The following MTSS1 variants were observed in gnomAD, a reference collection of about 807,000 sequenced individuals.
MTSS1 encodes the protein MTSS I-BAR domain containing 1.
In MTSS1, 18 loss-of-function variants were observed where a neutral mutation model predicts 79.0. The ratio of observed to expected loss-of-function variants is 0.23; its 90% CI spans 0.16 to 0.34. The LOEUF (loss-of-function observed/expected upper bound fraction) is 0.34, where lower values mean the gene tolerates loss of function less well. Ranked by LOEUF, MTSS1 falls within the 10% of genes least tolerant of loss-of-function variation. MTSS1 has a pLI of 1.00. For synonymous variants in MTSS1, 341 were observed against 368.6 expected (o/e 0.93, Z 0.86); for missense variants, 815 against 986.2 (o/e 0.83, Z 2.33).
chr8:124,630,908 G>A (rs562337559), intron 3 of MTSS1, among the ~76,000 whole-genome samples: 4 of 152,312 alleles, frequency 2.6e-5, no homozygotes, highest in African/African-American at 9.6e-5. Context: ...TTTGGCCATG[G>A]CATTCTGAAC....
At chr8:124,587,609 G>A (rs1831090937) in intron 5 of MTSS1, among the ~76,000 whole-genome samples, 2 of 152,136 alleles carry the variant, frequency 1.3e-5, no homozygotes, top group African/African-American at 4.8e-5. Flanking sequence ...AGTGATTCTT[G>A]TGTCTCAGCC....
At chr8:124,653,140 A>G (rs1349577817) in intron 3 of MTSS1, among the ~76,000 whole-genome samples, 1 of 152,224 alleles carries the variant, frequency 6.6e-6, no homozygotes, top group Admixed American at 6.5e-5. Context: ...GATGGGAAAG[A>G]AACTGAGGAA....
intron 3 of MTSS1, among the ~76,000 whole-genome samples, chr8:124,647,396 C>T (rs1363612124): frequency 6.6e-6 from 1 of 152,070 alleles, no homozygotes; most frequent in Non-Finnish European, 1.5e-5. Flanking sequence ...AGTATACATG[C>T]TATGTTTTGA....
intron 6 of MTSS1, among the ~76,000 whole-genome samples, chr8:124,577,094 A>G (rs1829112061): frequency 6.6e-6 from 1 of 152,178 alleles, no homozygotes; most frequent in Admixed American, 6.5e-5. Flanking sequence ...TTTACTGGAG[A>G]CAAGCTTTGC....
At chr8:124,686,479 T>C (rs551718993) in intron 3 of MTSS1, among the ~76,000 whole-genome samples, 5 of 152,324 alleles carry the variant, frequency 3.3e-5, no homozygotes, top group East Asian at 1.9e-4. Context: ...AAACAATGCA[T>C]GGACTGTCGA....
chr8:124,599,260 G>A (rs539484832), intron 3 of MTSS1, among the ~76,000 whole-genome samples: 12 of 152,184 alleles, frequency 7.9e-5, no homozygotes, highest in African/African-American at 1.2e-4. Context: ...GAGGCGGGCC[G>A]ATTGCCTGAG....
At chr8:124,682,133 T>C (rs75075116) in intron 3 of MTSS1, among the ~76,000 whole-genome samples, 2,148 of 152,354 alleles carry the variant, frequency 0.014, 56 homozygotes, top group African/African-American at 0.049. Context: ...ACAGCAGCCA[T>C]GCACTTTCTT....
chr8:124,706,335 CT>C (rs1439009049), intron 1 of MTSS1, among the ~76,000 whole-genome samples: 13 of 152,104 alleles, frequency 8.5e-5, no homozygotes, highest in African/African-American at 3.1e-4. Context: ...TGTGAGTTTT[CT>C]TTATAAGGGT....
chr8:124,652,641 A>T (rs934475103), intron 3 of MTSS1, among the ~76,000 whole-genome samples: 3 of 152,168 alleles, frequency 2.0e-5, no homozygotes, highest in African/African-American at 7.2e-5. Context: ...CTAAAAATAT[A>T]AAAATTATCT....
rs567557790 is a variant in MTSS1, at chr8:124,679,047, C to T, written c.208+20479G>A. Among the ~76,000 whole-genome samples the T allele has an allele frequency of 3.3e-5, 5 of 152,280 alleles. No homozygotes were observed. The South Asian group carries it at 6.2e-4, about 19-fold the overall frequency. On this transcript the variant is annotated intron_variant, in intron 3 of 13. Coordinates refer to ENST00000518547, the MANE Select transcript of MTSS1 (RefSeq NM_014751.6). ...CGAAGGCTTAAACTCTCATGGTTGG[C>T]GCTATTCAGAAGTTCTCTGGTCCAC...
intron 3 of MTSS1, among the ~76,000 whole-genome samples, chr8:124,641,253 A>T (rs1236033114): frequency 9.2e-5 from 14 of 152,202 alleles, no homozygotes; most frequent in Non-Finnish European, 1.5e-5. Flanking sequence ...GCTGGTTAAG[A>T]GAGCTCCCTC....
chr8:124,689,240 G>T (rs1449448578), intron 3 of MTSS1, among the ~76,000 whole-genome samples: 1 of 152,120 alleles, frequency 6.6e-6, no homozygotes, highest in Admixed American at 6.5e-5. Flanking sequence ...GTGTTTTCTA[G>T]CTGAGACTTT....
intron 11 of MTSS1, chr8:124,556,652 C>A (rs985937772): frequency 2.7e-5 from 14 of 525,006 alleles, no homozygotes; most frequent in Non-Finnish European, 4.3e-5. Context: ...CCCTCACCCA[C>A]CAGGTGGCAG....
At chr8:124,711,438 G>C (rs1056853915) in intron 1 of MTSS1, among the ~76,000 whole-genome samples, 1 of 152,180 alleles carries the variant, frequency 6.6e-6, no homozygotes, top group African/African-American at 2.4e-5. Flanking sequence ...TGCCAGATCT[G>C]ACTTTGCAGC....
Position 124,727,698 on chromosome 8 carries a change from G to A in MTSS1, c.72+186C>T. ...ACCCCCCAGAGAAGCCACCCGCCCA[G>A]TGACCCCGCAGAGCCCGGAGCAGCG... On this transcript the variant is annotated intron_variant, in intron 1 of 13. Transcript: ENST00000518547. This position sits in a 1 kb window ranked among gnomAD's most constrained non-coding sequence, Gnocchi z 4.7. 1.5e-6 allele frequency: 1 copy of A among 675,690 alleles called. No homozygotes were observed. Among genetic ancestry groups the A allele is most frequent in the Non-Finnish European group, 2.7e-6 (1 of 370,542 alleles). 41.9% of individuals were successfully genotyped at this position (675,690 alleles called of 1,614,324 possible).
In MTSS1 at chr8:124,675,285, C is replaced by A. The variant is rs780697024; in HGVS notation, c.208+24241G>T. On this transcript the variant is annotated intron_variant, in intron 3 of 13. Transcript: ENST00000518547. ...AAAACAGGAAAACCCAAGAGCCAGT[C>A]CTACAACTGTCACTTCCCAATGACT... Among the ~76,000 whole-genome samples, 71 of 152,338 alleles carry A rather than the reference C, an allele frequency of 4.7e-4. 2 individuals carry two copies. Among genetic ancestry groups the A allele is most frequent in the Non-Finnish European group, 7.1e-4 (48 of 68,026 alleles).
intron 1 of MTSS1, among the ~76,000 whole-genome samples, chr8:124,723,171 A>G (rs1428569253): frequency 1.3e-5 from 2 of 152,216 alleles, no homozygotes; most frequent in African/African-American, 4.8e-5. Context: ...ACAAACTTAA[A>G]TAGTGAACAA....
At chr8:124,578,097 T>C (rs1457362674) in intron 6 of MTSS1, among the ~76,000 whole-genome samples, 1 of 152,100 alleles carries the variant, frequency 6.6e-6, no homozygotes, top group East Asian at 1.9e-4. Context: ...GGGTCCACTT[T>C]GGAGTCTGAT....
intron 3 of MTSS1, among the ~76,000 whole-genome samples, chr8:124,654,252 A>T (rs1010344664): frequency 7.2e-5 from 11 of 152,214 alleles, no homozygotes; most frequent in Admixed American, 5.9e-4. Context: ...TTGCTAAATG[A>T]ATTATTAACC....
Sources: gnomAD v4.1 joint callset for allele counts (sites outside exome capture counted in the v4.1 genomes callset) on GRCh38, gnomAD v4.1.1 for gene constraint, Gnocchi (gnomAD v3.1) non-coding constraint, MANE v1.5 for transcripts, NCBI Gene and HGNC (gene_info 2026-07-23, HGNC 2026-07-21) for gene names.